The following DIAPH2 variants were observed in gnomAD, a reference collection of about 807,000 sequenced individuals.
DIAPH2 encodes the protein diaphanous related formin 2, also known as protein diaphanous homolog 2.
In DIAPH2, 35 loss-of-function variants were observed where a neutral mutation model predicts 92.7. That is an observed-to-expected ratio of 0.38 (90% confidence interval 0.29 to 0.50). The LOEUF (loss-of-function observed/expected upper bound fraction) is 0.50, where lower values mean the gene tolerates loss of function less well. Ranked by LOEUF, DIAPH2 falls within the 20% of genes least tolerant of loss-of-function variation. The probability of loss-of-function intolerance (pLI) is 0.94; values close to 1 mark genes in which losing one functional copy is unlikely to be tolerated. For missense variants in DIAPH2, 701 were observed against 819.5 expected, an observed-to-expected ratio of 0.86 and a Z score of 1.77; for synonymous variants, 301 against 280.4, an observed-to-expected ratio of 1.07 and a Z score of -0.73.
chrX:97,370,866 G>C (rs920230442), intron 24 of DIAPH2, among the ~76,000 whole-genome samples: 1 of 112,314 alleles, frequency 8.9e-6, no homozygotes, highest in African/African-American at 3.2e-5. Context: ...TTCAATTACA[G>C]TGTAATAGCC....
chrX:97,201,847 C>T (rs757233408), intron 22 of DIAPH2, among the ~76,000 whole-genome samples: 2 of 110,803 alleles, frequency 1.8e-5, no homozygotes, highest in Non-Finnish European at 3.8e-5. Flanking sequence ...AGAAGGTCAA[C>T]CCCAAGACAA....
intron 25 of DIAPH2, among the ~76,000 whole-genome samples, chrX:97,406,356 A>G (rs995973635): frequency 1.8e-5 from 2 of 112,093 alleles, no homozygotes; most frequent in Non-Finnish European, 3.8e-5. Context: ...GTACCTTAAA[A>G]TAGCTTCCTC....
Position 97,601,487 on chromosome X carries a change from AG to A in DIAPH2, c.*2171del, listed in dbSNP as rs2071595855. The A allele has an allele frequency of 9.0e-6, 1 of 110,844 alleles. No homozygotes were observed. Among genetic ancestry groups the A allele is most frequent in the African/African-American group, 3.3e-5 (1 of 30,439 alleles). The allele number at this position is 110,844 out of a possible 1,213,427, so 9.1% of individuals were successfully genotyped here. On this transcript the variant is annotated 3_prime_UTR_variant, in exon 27 of 27. Coordinates refer to ENST00000324765, the MANE Select transcript of DIAPH2 (RefSeq NM_006729.5). The stretch of plus-strand genomic sequence containing the variant: ...TCAGGGTCTTTCATGAAGTTCCAAT[AG>A]TTGAGTGAGTTAAAAGGTTTGTTTC...
chrX:96,837,423 CTCTCTCTCTCTGTGTG>C (rs1286008924), intron 4 of DIAPH2, among the ~76,000 whole-genome samples: 2 of 70,826 alleles, frequency 2.8e-5, no homozygotes, highest in African/African-American at 1.5e-4. Context: ...CTCTCTCTCT[CTCTCTCTCTCTGTGTG>C]TGTGTGTGTG....
At chrX:96,741,474 ATTTTTTTTT>A (rs139362386) in intron 3 of DIAPH2, among the ~76,000 whole-genome samples, 3 of 70,139 alleles carry the variant, frequency 4.3e-5, no homozygotes, top group African/African-American at 1.7e-4. Flanking sequence ...TCTCATCTTA[ATTTTTTTTT>A]TTTTTTTTTT....
At chrX:97,410,724 C>T (rs923022992) in intron 25 of DIAPH2, among the ~76,000 whole-genome samples, 1 of 111,828 alleles carries the variant, frequency 8.9e-6, no homozygotes, top group African/African-American at 3.3e-5. Context: ...CCTGATGGAG[C>T]TGAAAACCAT....
intron 17 of DIAPH2, among the ~76,000 whole-genome samples, chrX:96,992,429 G>A (rs1291141515): frequency 8.9e-6 from 1 of 111,838 alleles, no homozygotes; most frequent in East Asian, 2.8e-4. Flanking sequence ...TAATACTTTA[G>A]TACTTGCTCC....
chrX:97,558,964 C>A (rs926015225), intron 26 of DIAPH2, among the ~76,000 whole-genome samples: 1 of 111,811 alleles, frequency 8.9e-6, no homozygotes, highest in Non-Finnish European at 1.9e-5. Flanking sequence ...AATTGTACAT[C>A]TCTCATCATG....
chrX:97,184,549 C>A (rs778887716), intron 22 of DIAPH2, among the ~76,000 whole-genome samples: 4 of 111,425 alleles, frequency 3.6e-5, no homozygotes, highest in Non-Finnish European at 7.5e-5. Flanking sequence ...AATCCCTACT[C>A]CACAGTCATA....
Position 97,594,705 on chromosome X carries a change from T to C in DIAPH2, c.3242-4548T>C, listed in dbSNP as rs538677055. Among the ~76,000 whole-genome samples, 14 of 112,645 alleles carry C rather than the reference T, an allele frequency of 1.2e-4. 1 individual carries two copies. Among genetic ancestry groups the C allele is most frequent in the Middle Eastern group, 4.6e-3 (1 of 219 alleles). ...GTAAATTACAGAGGGTTTCTTTTACTTTGTTTTCTAGCCTACTAATTGGCA... is the reference window on the plus strand; with the variant it reads ...GTAAATTACAGAGGGTTTCTTTTACCTTGTTTTCTAGCCTACTAATTGGCA... On this transcript the variant is annotated intron_variant, in intron 26 of 26. Coordinates refer to ENST00000324765, the MANE Select transcript of DIAPH2 (RefSeq NM_006729.5).
chrX:97,056,303 A>G (rs1217355604), intron 17 of DIAPH2, among the ~76,000 whole-genome samples: 2 of 111,618 alleles, frequency 1.8e-5, no homozygotes, highest in Non-Finnish European at 3.8e-5. Flanking sequence ...AAGGTATTTT[A>G]TGCCAGGGAA....
intron 5 of DIAPH2, among the ~76,000 whole-genome samples, chrX:96,902,545 A>C (rs1338590248): frequency 9.0e-6 from 1 of 111,681 alleles, no homozygotes; most frequent in Non-Finnish European, 1.9e-5. Context: ...TTCTCATAAC[A>C]AATAAAATCA....
intron 26 of DIAPH2, among the ~76,000 whole-genome samples, chrX:97,445,060 A>T (rs2070295046): frequency 8.9e-6 from 1 of 111,950 alleles, no homozygotes; most frequent in Admixed American, 9.5e-5. Context: ...AATCTTTTAA[A>T]TGTTGAATTT....
At chrX:97,574,395 T>C (rs1486173050) in intron 26 of DIAPH2, among the ~76,000 whole-genome samples, 4 of 112,008 alleles carry the variant, frequency 3.6e-5, no homozygotes, top group Non-Finnish European at 7.5e-5. Context: ...AATATTTTTA[T>C]TTCCTTTGGG....
chrX:96,939,512 G>GTATA (rs1569431021), intron 12 of DIAPH2, 130 bp downstream of exon 12: 2 of 44,626 alleles, frequency 4.5e-5, no homozygotes, highest in African/African-American at 1.4e-4. Context: ...ATATATATAT[G>GTATA]TATGTATATA....
Position 96,745,168 on chromosome X carries a change from G to A in DIAPH2, c.342+6406G>A, listed in dbSNP as rs755964176. Among the ~76,000 whole-genome samples, 8 of 109,725 alleles carry A rather than the reference G, an allele frequency of 7.3e-5. No individual in the cohort carries two copies. The South Asian group carries it at 3.2e-3, about 44-fold the overall frequency. ...ATTACAGGCACGCGCCACCATGCCT[G>A]GCTAATTTTGGATTTTTATTAGAGA... On this transcript the variant is annotated intron_variant, in intron 3 of 26. Coordinates refer to ENST00000324765, the MANE Select transcript of DIAPH2 (RefSeq NM_006729.5).
chrX:97,320,451 T>G (rs1197168556), intron 23 of DIAPH2, among the ~76,000 whole-genome samples: 2 of 110,949 alleles, frequency 1.8e-5, no homozygotes, highest in African/African-American at 6.5e-5. Context: ...CGGTAGCTCT[T>G]GGCTGTAATC....
chrX:97,110,754 C>T (rs1408624514), intron 20 of DIAPH2, among the ~76,000 whole-genome samples: 3 of 111,092 alleles, frequency 2.7e-5, no homozygotes, highest in South Asian at 3.8e-4. Flanking sequence ...GAGGCTGAGG[C>T]GGGTGGATCA....
intron 26 of DIAPH2, among the ~76,000 whole-genome samples, chrX:97,539,112 G>T (rs941140350): frequency 9.0e-6 from 1 of 111,665 alleles, no homozygotes; most frequent in African/African-American, 3.2e-5. Context: ...CCGATCAAAA[G>T]AATTAAATAG....
Sources: allele counts gnomAD v4.1 joint callset (sites outside exome capture counted in the v4.1 genomes callset), GRCh38; gene constraint gnomAD v4.1.1; transcripts MANE v1.5; gene names NCBI Gene and HGNC (gene_info 2026-07-23, HGNC 2026-07-21).